EEF1AKMT1: variants seen among roughly 807,000 people sequenced by gnomAD.
EEF1AKMT1 encodes the protein N-6 adenine-specific DNA methyltransferase 2 (putative).
Under a neutral mutation model 21.0 loss-of-function variants are expected in EEF1AKMT1, and 18 were observed. The observed-to-expected ratio is 0.86, with a 90% CI of 0.59 to 1.27. The LOEUF (loss-of-function observed/expected upper bound fraction) is 1.27. Among genes scored for constraint, EEF1AKMT1 ranks in the 50% most tolerant of loss-of-function variants. EEF1AKMT1 has a pLI of 0.00. For missense variants in EEF1AKMT1, 246 were observed against 258.6 expected, an observed-to-expected ratio of 0.95 and a Z score of 0.33; for synonymous variants, 109 against 94.8, an observed-to-expected ratio of 1.15 and a Z score of -0.87.
At chr13:20,747,462 C>CTTTTTTTTCTTTTTTTTTT (rs2058911961) in intron 2 of EEF1AKMT1, 1 of 87,632 alleles carries the variant, frequency 1.1e-5, no homozygotes, top group African/African-American at 5.2e-5. Context: ...TAGGCACATT[C>CTTTTTTTTCTTTTTTTTTT]TTTTTTTTTT....
intron 1 of EEF1AKMT1, among the ~76,000 whole-genome samples, chr13:20,761,072 G>A (rs539378692): frequency 6.6e-6 from 1 of 152,290 alleles, no homozygotes; most frequent in South Asian, 2.1e-4. Context: ...CACAGAGCTC[G>A]TGCAGTTCAC....
chr13:20,737,307 T>C (rs946999061), intron 3 of EEF1AKMT1, among the ~76,000 whole-genome samples: 2 of 152,104 alleles, frequency 1.3e-5, no homozygotes, highest in African/African-American at 4.8e-5. Context: ...GAGGTTGCAG[T>C]TAGCCAAGAT....
chr13:20,739,807 C>T (rs1220307876), intron 2 of EEF1AKMT1, among the ~76,000 whole-genome samples: 1 of 152,242 alleles, frequency 6.6e-6, no homozygotes, highest in Admixed American at 6.5e-5. Flanking sequence ...CATTTACAAT[C>T]CTCTAGCTAG....
At chr13:20,734,127 GCAAC>G (rs1191027039) in intron 3 of EEF1AKMT1, among the ~76,000 whole-genome samples, 2 of 152,176 alleles carry the variant, frequency 1.3e-5, no homozygotes, top group Admixed American at 1.3e-4. Context: ...AGAATGAACT[GCAAC>G]CAAAGATTAT....
In EEF1AKMT1 at chr13:20,729,343, G is replaced by A. The variant is rs982293567; in HGVS notation, c.509-127C>T. 6 of 1,048,824 alleles carry A rather than the reference G, an allele frequency of 5.7e-6. No individual in the cohort carries two copies. In the South Asian group the frequency reaches 9.1e-5, roughly 16 times the overall value. The allele number at this position is 1,048,824 out of a possible 1,614,324, so 65.0% of individuals were successfully genotyped here. A position where few individuals can be genotyped will look rare whatever the true frequency, so the allele number is the denominator to read the frequency against. On this transcript the variant is annotated intron_variant, in intron 4 of 4. Coordinates refer to ENST00000382758, the MANE Select transcript of EEF1AKMT1 (RefSeq NM_001318939.2). ...TTAGTTGACAATTCACAAGTGGGGG[G>A]AGGGAGCGAGTGTTCTTTACATTCC...
Position 20,731,862 on chromosome 13 carries a change from C to T in EEF1AKMT1, c.487G>A (p.Gly163Ser), listed in dbSNP as rs1240183295. The change falls in exon 4 of 5, where the codon GGC becomes AGC. Residue 163 changes from glycine (G) to serine (S), a missense_variant. Physicochemically the swap from Gly to Ser is moderately conservative, Grantham distance 56 (BLOSUM62 0). Transcript: ENST00000382758. ...CTACCTGTGCACAGCAGAATCTTGC[C>T]CCGCGTCAGGTACTTGACGGTTTCC... is the stretch of plus-strand genomic sequence containing the variant. ...TSETVKYLTR[G>S]KILLCTGAIM... The T allele has an allele frequency of 6.2e-7, 1 of 1,613,740 alleles. No individual in the cohort carries two copies.
chr13:20,739,871 T>C (rs568122167), intron 2 of EEF1AKMT1, among the ~76,000 whole-genome samples: 10 of 152,362 alleles, frequency 6.6e-5, no homozygotes, highest in African/African-American at 2.2e-4. Context: ...TGGCTTCACC[T>C]AGTGGATCCA....
rs1046728912 is a variant in EEF1AKMT1, at chr13:20,728,864, C to A, written c.*216G>T. 2 of 582,820 alleles carry A rather than the reference C, an allele frequency of 3.4e-6. No individual in the cohort carries two copies. The highest frequency in any genetic ancestry group is 1.9e-5 in the African/African-American group (1 of 53,484). The allele number at this position is 582,820 out of a possible 1,614,324, so 36.1% of individuals were successfully genotyped here. Reference sequence around the variant, plus strand: ...GCAGATTCTAAGGTTTCTTCCAACTCGAATTCCATGGATTCAGGTTGGCAG... The same window carrying A: ...GCAGATTCTAAGGTTTCTTCCAACTAGAATTCCATGGATTCAGGTTGGCAG... On this transcript the variant is annotated 3_prime_UTR_variant, in exon 5 of 5. Coordinates refer to ENST00000382758, the MANE Select transcript of EEF1AKMT1 (RefSeq NM_001318939.2).
chr13:20,772,316 T>C (rs2059066830), intron 1 of EEF1AKMT1, among the ~76,000 whole-genome samples: 1 of 152,158 alleles, frequency 6.6e-6, no homozygotes, highest in South Asian at 2.1e-4. Flanking sequence ...CCTTGGACCT[T>C]ATGTGGCTCA....
intron 1 of EEF1AKMT1, among the ~76,000 whole-genome samples, chr13:20,758,890 C>T (rs888697487): frequency 1.3e-5 from 2 of 151,988 alleles, no homozygotes; most frequent in Non-Finnish European, 2.9e-5. Flanking sequence ...AACTGGTCTT[C>T]GATCAAGTCA....
Position 20,728,979 on chromosome 13 carries a change from T to C in EEF1AKMT1, c.*101A>G, listed in dbSNP as rs2058774812. The stretch of plus-strand genomic sequence containing the variant: ...AAAACCAGGCCAGGGACAGCTCCAG[T>C]TTGGGGGGAGGGGAAGAGATTATAA... On this transcript the variant is annotated 3_prime_UTR_variant, in exon 5 of 5. Transcript: ENST00000382758. 6 of 1,462,186 alleles carry C rather than the reference T, an allele frequency of 4.1e-6. No individual in the cohort carries two copies. In the East Asian group the frequency reaches 1.4e-4, roughly 33 times the overall value. The allele number at this position is 1,462,186 out of a possible 1,614,324, so 90.6% of individuals were successfully genotyped here.
chr13:20,767,879 A>G (rs1371829142), intron 1 of EEF1AKMT1, among the ~76,000 whole-genome samples: 2 of 152,120 alleles, frequency 1.3e-5, no homozygotes, highest in Admixed American at 6.5e-5. Context: ...CTAGTGTTCA[A>G]GTTTACTAAT....
intron 2 of EEF1AKMT1, among the ~76,000 whole-genome samples, chr13:20,744,188 T>C (rs186099208): frequency 2.8e-4 from 43 of 152,344 alleles, no homozygotes; most frequent in African/African-American, 9.6e-4. Flanking sequence ...CAGAATGACA[T>C]AATCCTTTGG....
At position 20,731,924 on chromosome 13, in the gene EEF1AKMT1, G is replaced by A. The variant is rs1444188564; in HGVS notation, c.425C>T (p.Pro142Leu). ...GAGACATTCCTCCGAAAGATAGGGA[G>A]GATCTGCTATTACGATGTCAAAACT... The part of the protein sequence containing the change: ...AHSFDIVIAD[P>L]PYLSEECLRK... The change falls in exon 4 of 5, where the codon CCT (proline) becomes CTT (leucine). Residue 142 changes from proline to leucine, a missense_variant. Pro to Leu is a moderately conservative substitution (Grantham distance 98). Coordinates refer to ENST00000382758, the MANE Select transcript of EEF1AKMT1 (RefSeq NM_001318939.2). The A allele has an allele frequency of 1.2e-6, 2 of 1,614,198 alleles. No individual in the cohort carries two copies. Among genetic ancestry groups the A allele is most frequent in the Admixed American group, 1.7e-5 (1 of 60,026 alleles).
At chr13:20,734,577 A>ATTATTTAT (rs10594463) in intron 3 of EEF1AKMT1, among the ~76,000 whole-genome samples, 32,293 of 147,460 alleles carry the variant, frequency 0.22, 3,835 homozygotes, top group Non-Finnish European at 0.25. Context: ...TCTTTATTTT[A>ATTATTTAT]TTATTTATTT....
chr13:20,772,759 A>G (rs1355692126), intron 1 of EEF1AKMT1, among the ~76,000 whole-genome samples: 2 of 152,206 alleles, frequency 1.3e-5, no homozygotes, highest in African/African-American at 2.4e-5. Flanking sequence ...AGCTTGCAGC[A>G]TAAGCAGGGA....
chr13:20,741,434 T>C (rs1280788295), intron 2 of EEF1AKMT1, among the ~76,000 whole-genome samples: 3 of 151,300 alleles, frequency 2.0e-5, no homozygotes, highest in African/African-American at 7.3e-5. Context: ...TGTTTGTTTG[T>C]TGTTTTTTAA....
chr13:20,731,837 C>T lies in EEF1AKMT1; in HGVS notation c.508+4G>A, dbSNP rs780786236. 3 of 1,609,946 alleles carry T rather than the reference C, an allele frequency of 1.9e-6. No homozygotes were observed. Among genetic ancestry groups the T allele is most frequent in the Non-Finnish European group, 2.5e-6 (3 of 1,176,956 alleles). Reference sequence around the variant, plus strand: ...TTTGATGAGATATGAAATGCAGCACCTACCTGTGCACAGCAGAATCTTGCC... The same window carrying T: ...TTTGATGAGATATGAAATGCAGCACTTACCTGTGCACAGCAGAATCTTGCC... On this transcript the variant is annotated splice_donor_region_variant and intron_variant, in intron 4 of 4. Coordinates refer to ENST00000382758, the MANE Select transcript of EEF1AKMT1 (RefSeq NM_001318939.2).
chr13:20,757,391 G>A (rs992740354), intron 2 of EEF1AKMT1, 64 bp downstream of exon 2: 8 of 1,564,724 alleles, frequency 5.1e-6, no homozygotes, highest in African/African-American at 4.1e-5. Context: ...ACAAACACTG[G>A]ACTAATGCAC....
Sources: allele counts gnomAD v4.1 joint callset (sites outside exome capture counted in the v4.1 genomes callset), GRCh38; gene constraint gnomAD v4.1.1; transcripts MANE v1.5; gene names NCBI Gene and HGNC (gene_info 2026-07-23, HGNC 2026-07-21).